The following PM20D2 variants were observed in gnomAD, a reference collection of about 807,000 sequenced individuals.
The protein encoded by PM20D2 is peptidase M20 domain containing 2.
A neutral mutation model predicts 42.9 loss-of-function variants in PM20D2; 33 were observed. That is an observed-to-expected ratio of 0.77 (90% confidence interval 0.58 to 1.03). PM20D2 has a LOEUF of 1.03. Ranked by LOEUF, PM20D2 falls within the 50% of genes least tolerant of loss-of-function variation. The pLI, the probability that PM20D2 is intolerant of heterozygous loss-of-function variation, is 0.00. For missense variants in PM20D2, 548 were observed against 557.0 expected, an observed-to-expected ratio of 0.98 and a Z score of 0.16; for synonymous variants, 250 against 228.2, an observed-to-expected ratio of 1.10 and a Z score of -0.86.
the PM20D2 span, among the ~76,000 whole-genome samples, chr6:89,130,819 CTTTTTTTTTTTTTTTTTTT>C: frequency 8.3e-5 from 2 of 24,038 alleles, no homozygotes; most frequent in South Asian, 2.3e-3. Flanking sequence ...GCTTCTTCTT[CTTTTTTTTTTTTTTTTTTT>C]TTTTTTTTTT....
intron 5 of PM20D2, among the ~76,000 whole-genome samples, chr6:89,161,346 C>CAGT (rs1202047048): frequency 6.6e-6 from 1 of 152,108 alleles, no homozygotes; most frequent in African/African-American, 2.4e-5. Context: ...AAAGAATATG[C>CAGT]AGTAAGAAGA....
the PM20D2 span, among the ~76,000 whole-genome samples, chr6:89,095,744 T>A: frequency 6.6e-6 from 1 of 152,208 alleles, no homozygotes; most frequent in African/African-American, 2.4e-5. Context: ...ATTCCCCTAT[T>A]ATCTGTTAAC....
chr6:89,143,334 C>G (rs536090445), upstream of PM20D2, among the ~76,000 whole-genome samples: 2 of 152,210 alleles, frequency 1.3e-5, no homozygotes, highest in South Asian at 4.1e-4. Flanking sequence ...CTCTTTCCAC[C>G]ACAGCACTCA....
At chr6:89,158,879 G>A (rs1017945268) in intron 5 of PM20D2, among the ~76,000 whole-genome samples, 2 of 151,688 alleles carry the variant, frequency 1.3e-5, no homozygotes, top group African/African-American at 4.9e-5. Flanking sequence ...CATATTTGGG[G>A]TTATGTTAGT....
upstream of PM20D2, among the ~76,000 whole-genome samples, chr6:89,142,529 A>C (rs951113289): frequency 6.6e-6 from 1 of 152,234 alleles, no homozygotes; most frequent in Admixed American, 6.5e-5. Context: ...GGCTGGATTC[A>C]CATGCACTTT....
At position 89,161,863 on chromosome 6, in the gene PM20D2, C is replaced by A. The variant is rs769562328; in HGVS notation, c.1129C>A (p.His377Asn). The A allele has an allele frequency of 1.1e-5, 18 of 1,612,514 alleles. No homozygotes were observed. Among genetic ancestry groups the A allele is most frequent in the Non-Finnish European group, 1.4e-5 (17 of 1,178,630 alleles). Residue 377 changes from histidine to asparagine, a missense_variant, in exon 6 of 7, where the codon CAT becomes AAT. By Grantham distance (68) the His-to-Asn change is moderately conservative (BLOSUM62 1). Around this residue, in one of 3 missense-constraint regions of PM20D2, gnomAD observed 71 missense variants for 69.7 expected, o/e 1.02. Coordinates refer to ENST00000275072, the MANE Select transcript of PM20D2 (RefSeq NM_001010853.3). ...TCACATTGGATCTAATGCCTTGAAT[C>A]ATACTGAACAGTACACTGAAGCTGC... is the stretch of plus-strand genomic sequence containing the variant. ...YFHIGSNALN[H>N]TEQYTEAAGS...
the PM20D2 span, among the ~76,000 whole-genome samples, chr6:89,112,108 A>T: frequency 6.6e-6 from 1 of 151,370 alleles, no homozygotes; most frequent in African/African-American, 2.4e-5. Flanking sequence ...CCCCGGTTCA[A>T]GAGATTCTCA....
At chr6:89,124,078 C>T in the PM20D2 span, among the ~76,000 whole-genome samples, 2 of 152,238 alleles carry the variant, frequency 1.3e-5, no homozygotes, top group African/African-American at 4.8e-5. Context: ...AAATTCCAGC[C>T]GATTACTTTT....
the PM20D2 span, chr6:89,104,997 A>G: frequency 2.1e-6 from 2 of 958,688 alleles, no homozygotes; most frequent in Non-Finnish European, 2.9e-6. Flanking sequence ...TCAAGTCTAC[A>G]GTGGGCCATG....
At chr6:89,112,580 CT>C in the PM20D2 span, among the ~76,000 whole-genome samples, 90 of 144,102 alleles carry the variant, frequency 6.2e-4, 2 homozygotes, top group Admixed American at 6.3e-4. Flanking sequence ...GCCCGGCTAA[CT>C]TTTTTTTTTT....
chr6:89,117,157 G>T, the PM20D2 span, among the ~76,000 whole-genome samples: 3 of 152,156 alleles, frequency 2.0e-5, no homozygotes, highest in Non-Finnish European at 4.4e-5. Flanking sequence ...TGGGGCATCA[G>T]AATCAACCAG....
At chr6:89,098,776 CTG>C in the PM20D2 span, 1 of 1,613,938 alleles carries the variant, frequency 6.2e-7, no homozygotes. Context: ...GTGAACTTGA[CTG>C]TGATTTTCCT....
the PM20D2 span, among the ~76,000 whole-genome samples, chr6:89,099,455 T>A: frequency 6.9e-6 from 1 of 145,190 alleles, no homozygotes; most frequent in African/African-American, 2.5e-5. Flanking sequence ...TATATATGTG[T>A]GTATATATGT....
the PM20D2 span, among the ~76,000 whole-genome samples, chr6:89,116,853 C>G: frequency 6.6e-6 from 1 of 152,040 alleles, no homozygotes; most frequent in Non-Finnish European, 1.5e-5. Flanking sequence ...ATACTCATCT[C>G]AGATGACTAT....
At chr6:89,105,726 AGAGT>A in the PM20D2 span, 2 of 361,286 alleles carry the variant, frequency 5.5e-6, no homozygotes, top group Non-Finnish European at 9.9e-6. Flanking sequence ...TATGTTTAGA[AGAGT>A]GAGTCTAAAA....
At chr6:89,099,531 C>T in the PM20D2 span, among the ~76,000 whole-genome samples, 2 of 104,326 alleles carry the variant, frequency 1.9e-5, no homozygotes, top group Admixed American at 1.1e-4. Flanking sequence ...CACACACACA[C>T]ATACATGTTT....
chr6:89,125,261 A>C, the PM20D2 span, among the ~76,000 whole-genome samples: 1,676 of 152,256 alleles, frequency 0.011, 7 homozygotes, highest in Non-Finnish European at 0.017. Context: ...TGGGCGGATC[A>C]CGAGGTCAGG....
chr6:89,135,366 T>G, the PM20D2 span, among the ~76,000 whole-genome samples: 3 of 151,232 alleles, frequency 2.0e-5, no homozygotes, highest in Non-Finnish European at 2.9e-5. Context: ...CCATTACAAG[T>G]AATGCCATGT....
chr6:89,136,647 C>A, the PM20D2 span, among the ~76,000 whole-genome samples: 1 of 150,914 alleles, frequency 6.6e-6, no homozygotes, highest in African/African-American at 2.5e-5. Context: ...CACTGCACTC[C>A]AGCCTGAGTG....
Sources: allele counts gnomAD v4.1 joint callset (sites outside exome capture counted in the v4.1 genomes callset), GRCh38; gene constraint gnomAD v4.1.1; regional missense constraint gnomAD v4.1.1; transcripts MANE v1.5; gene names NCBI Gene and HGNC (gene_info 2026-07-23, HGNC 2026-07-21).